Variants in KIZ observed in about 807,000 individuals in gnomAD.
KIZ encodes the protein centrosomal protein kizuna.
A neutral mutation model predicts 79.6 loss-of-function variants in KIZ; 68 were observed. The ratio of observed to expected loss-of-function variants is 0.85; its 90% CI spans 0.70 to 1.05. The LOEUF (loss-of-function observed/expected upper bound fraction) is 1.05, where lower values mean the gene tolerates loss of function less well. KIZ is among the 50% of genes least tolerant of loss of function. The pLI is 0.00. For missense variants in KIZ, 797 were observed against 800.4 expected (o/e 1.00, Z 0.05); for synonymous variants, 280 against 281.8 (o/e 0.99, Z 0.06).
chr20:21,190,332 C>A (rs1462817043), intron 6 of KIZ, among the ~76,000 whole-genome samples: 2 of 152,208 alleles, frequency 1.3e-5, no homozygotes, highest in Admixed American at 1.3e-4. Flanking sequence ...AAGCTAGCAG[C>A]CCGGAATTCA....
At position 21,163,007 on chromosome 20, in the gene KIZ, C is replaced by T. The variant is rs1485681472; in HGVS notation, c.1200C>T (p.Gly400=). The change falls in exon 6 of 13, where the codon GGC becomes GGT. Residue 400 remains glycine (G), a synonymous_variant. Transcript: ENST00000619189. ...ESPEPQPNPG[G]KMEGEDGIEA... ...CAGAACCACAGCCAAATCCAGGTGGCAAGATGGAGGGAGAAGATGGAATAG... is the reference window on the plus strand; with the variant it reads ...CAGAACCACAGCCAAATCCAGGTGGTAAGATGGAGGGAGAAGATGGAATAG... 1 of 1,613,688 alleles carries T rather than the reference C, an allele frequency of 6.2e-7. No homozygotes were observed. The highest frequency in any genetic ancestry group is 8.5e-7 in the Non-Finnish European group (1 of 1,179,834).
chr20:21,134,003 A>G (rs549391927), intron 2 of KIZ, among the ~76,000 whole-genome samples: 2 of 152,316 alleles, frequency 1.3e-5, no homozygotes, highest in South Asian at 2.1e-4. Context: ...CCATGCTGCA[A>G]ACTCAGAACG....
At chr20:21,235,752 G>A (rs1413475736) in intron 11 of KIZ, among the ~76,000 whole-genome samples, 1 of 152,196 alleles carries the variant, frequency 6.6e-6, no homozygotes, top group African/African-American at 2.4e-5. Flanking sequence ...TGGGGGAAAG[G>A]TAGCAGAAGT....
At chr20:21,246,242 A>C (rs1569013313) in intron 12 of KIZ, 1 of 508,926 alleles carries the variant, frequency 2.0e-6, no homozygotes, top group African/African-American at 2.0e-5. Flanking sequence ...CAGAAGGGAA[A>C]AGGAAGTATT....
At chr20:21,126,910 A>G (rs532891841) in intron 1 of KIZ, among the ~76,000 whole-genome samples, 31 of 152,330 alleles carry the variant, frequency 2.0e-4, no homozygotes, top group Non-Finnish European at 3.7e-4. Context: ...TGGACCTCTT[A>G]TTTAGCTGCT....
chr20:21,223,619 A>C (rs1050216300), intron 9 of KIZ, among the ~76,000 whole-genome samples: 1 of 144,964 alleles, frequency 6.9e-6, no homozygotes, highest in Non-Finnish European at 1.5e-5. Context: ...ACTTTTCTGT[A>C]TTTTCAGAAT....
intron 9 of KIZ, among the ~76,000 whole-genome samples, chr20:21,221,597 G>C (rs1208576968): frequency 6.6e-6 from 1 of 152,182 alleles, no homozygotes; most frequent in Non-Finnish European, 1.5e-5. Context: ...GTGGTTGCCT[G>C]ACTGTGCCAT....
At chr20:21,213,197 A>T (rs371257605) in intron 7 of KIZ, among the ~76,000 whole-genome samples, 26 of 152,350 alleles carry the variant, frequency 1.7e-4, no homozygotes, top group African/African-American at 6.0e-4. Flanking sequence ...AGTTGCCTTG[A>T]AGCGTCTGAA....
In KIZ at chr20:21,229,071, A is replaced by T; in HGVS notation, c.1739A>T (p.Glu580Val). ...CTTCAGGATAATACAAATCAAACTG[A>T]AAACAGGTTTCAAAAGACAGATGCT... ...ATLQDNTNQT[E>V]NRFQKTDASV... The change falls in exon 10 of 13, where the codon GAA (glutamate) becomes GTA (valine). Residue 580 changes from glutamate (E) to valine (V), a missense_variant. Transcript: ENST00000619189. 1 of 1,612,628 alleles carries T rather than the reference A, an allele frequency of 6.2e-7. No homozygotes were observed. Among genetic ancestry groups the T allele is most frequent in the Non-Finnish European group, 8.5e-7 (1 of 1,179,046 alleles).
chr20:21,177,645 A>G (rs1440196200), intron 6 of KIZ, among the ~76,000 whole-genome samples: 1 of 152,076 alleles, frequency 6.6e-6, no homozygotes, highest in Non-Finnish European at 1.5e-5. Context: ...TATCCATGAA[A>G]TCTTTGCCAA....
intron 6 of KIZ, among the ~76,000 whole-genome samples, chr20:21,180,344 T>C (rs1047605339): frequency 5.3e-5 from 8 of 151,934 alleles, no homozygotes; most frequent in Admixed American, 5.2e-4. Flanking sequence ...TTTAAGTAAA[T>C]TATGACATTT....
chr20:21,212,978 AG>A (rs1319193921), intron 7 of KIZ, among the ~76,000 whole-genome samples: 1 of 152,188 alleles, frequency 6.6e-6, no homozygotes, highest in Non-Finnish European at 1.5e-5. Context: ...CTAGAAATAG[AG>A]GAAAAGCCCC....
At chr20:21,181,713 C>T (rs2034663058) in intron 6 of KIZ, among the ~76,000 whole-genome samples, 1 of 152,208 alleles carries the variant, frequency 6.6e-6, no homozygotes, top group Non-Finnish European at 1.5e-5. Flanking sequence ...CCCTCCTCGG[C>T]CTCCCAAAGT....
At chr20:21,134,095 C>T (rs921040146) in intron 2 of KIZ, among the ~76,000 whole-genome samples, 8 of 152,100 alleles carry the variant, frequency 5.3e-5, no homozygotes, top group African/African-American at 1.2e-4. Context: ...CAGGCTGTGG[C>T]GGCTGTGGCG....
At chr20:21,126,076 C>G (rs1437588702), upstream of KIZ, 2 of 1,354,724 alleles carry the variant, frequency 1.5e-6, no homozygotes, top group Non-Finnish European at 2.0e-6. Context: ...GGCCGAACGG[C>G]CACCCAGAGG....
intron 6 of KIZ, among the ~76,000 whole-genome samples, chr20:21,179,574 T>G (rs2034568283): frequency 6.6e-6 from 1 of 152,076 alleles, no homozygotes; most frequent in African/African-American, 2.4e-5. Context: ...CTCTTTTTCA[T>G]TTATCTCTGA....
intron 4 of KIZ, 110 bp downstream of exon 4, chr20:21,145,764 A>C (rs1202035705): frequency 2.1e-6 from 1 of 474,140 alleles, no homozygotes; most frequent in Non-Finnish European, 3.8e-6. Context: ...CCCTTTGATT[A>C]AACCTTACGT....
In KIZ at chr20:21,244,318, CT is replaced by C. The variant is rs773265231; in HGVS notation, c.1924+35del. The C allele has an allele frequency of 3.8e-5, 58 of 1,534,016 alleles. No individual in the cohort carries two copies. In the Admixed American group the frequency reaches 7.4e-4, roughly 19 times the overall value. ...GAGAGATAATCGGACACTAGATTTT[CT>C]TTTTCTGTTTTAACCAAAAAACTCT... is the stretch of plus-strand genomic sequence containing the variant. On this transcript the variant is annotated intron_variant, in intron 12 of 12. Transcript: ENST00000619189.
intron 3 of KIZ, among the ~76,000 whole-genome samples, chr20:21,138,421 T>G (rs576588634): frequency 7.7e-4 from 118 of 152,394 alleles, no homozygotes; most frequent in African/African-American, 2.8e-3. Flanking sequence ...GACAATGTTC[T>G]GTATCTATGC....
Sources: allele counts gnomAD v4.1 joint callset (sites outside exome capture counted in the v4.1 genomes callset), GRCh38; gene constraint gnomAD v4.1.1; transcripts MANE v1.5; gene names NCBI Gene and HGNC (gene_info 2026-07-23, HGNC 2026-07-21).